Variants in TM4SF18 observed in about 807,000 individuals in gnomAD.
The protein encoded by TM4SF18 is transmembrane 4 L six family member 18.
In TM4SF18, 22 loss-of-function variants were observed where a neutral mutation model predicts 23.8. That is an observed-to-expected ratio of 0.92 (90% CI 0.66 to 1.32). The LOEUF (loss-of-function observed/expected upper bound fraction) is 1.32. Among genes scored for constraint, TM4SF18 ranks in the 40% most tolerant of loss-of-function variants. TM4SF18 has a pLI of 0.00. For synonymous variants in TM4SF18, 87 were observed against 87.9 expected (o/e 0.99, Z 0.06); for missense variants, 255 against 240.3 (o/e 1.06, Z -0.41).
Position 149,320,869 on chromosome 3 carries a change from T to A in TM4SF18, c.*609A>T, listed in dbSNP as rs1303251310. ...ACCAAGCATAATTGGCATTTTGTTA[T>A]ATTTCCTTTTAGATTTAGTTTTCAT... On this transcript the variant is annotated 3_prime_UTR_variant, in exon 6 of 6. Coordinates refer to ENST00000296059, the MANE Select transcript of TM4SF18 (RefSeq NM_138786.4). The A allele has an allele frequency of 6.6e-6, 1 of 152,198 alleles. No homozygotes were observed. The highest frequency in any genetic ancestry group is 2.4e-5 in the African/African-American group (1 of 41,456). 9.4% of individuals were successfully genotyped at this position (152,198 alleles called of 1,614,324 possible).
chr3:149,324,604 C>A (rs1275746728), intron 4 of TM4SF18, among the ~76,000 whole-genome samples: 2 of 152,208 alleles, frequency 1.3e-5, no homozygotes, highest in East Asian at 3.8e-4. Context: ...CAACTTTAAT[C>A]TGAGGTATGG....
In TM4SF18 at chr3:149,320,614, G is replaced by A. The variant is rs958881569; in HGVS notation, c.*864C>T. 6.6e-6 allele frequency: 1 copy of A among 152,080 alleles called. No individual in the cohort carries two copies. Among genetic ancestry groups the A allele is most frequent in the Non-Finnish European group, 1.5e-5 (1 of 68,014 alleles). 9.4% of individuals were successfully genotyped at this position (152,080 alleles called of 1,614,324 possible). On this transcript the variant is annotated 3_prime_UTR_variant, in exon 6 of 6. Coordinates refer to ENST00000296059, the MANE Select transcript of TM4SF18 (RefSeq NM_138786.4). Reference sequence around the variant, plus strand: ...ATAAGTTTATATAAAACTCTTTTTGGCTCATCTATATCACTACTTTCCTCA... The same window carrying A: ...ATAAGTTTATATAAAACTCTTTTTGACTCATCTATATCACTACTTTCCTCA...
intron 4 of TM4SF18, among the ~76,000 whole-genome samples, chr3:149,323,003 C>T (rs535506904): frequency 5.3e-5 from 8 of 151,490 alleles, no homozygotes; most frequent in Admixed American, 2.0e-4. Context: ...CCCTGGTTCA[C>T]GCCATTCTCC....
intron 2 of TM4SF18, among the ~76,000 whole-genome samples, chr3:149,332,462 C>A (rs1456276353): frequency 1.3e-5 from 2 of 152,112 alleles, no homozygotes; most frequent in African/African-American, 4.8e-5. Flanking sequence ...TTAAAGAACA[C>A]AAAGTCATCA....
chr3:149,333,481 T>TA, intron 1 of TM4SF18, 32 bp downstream of exon 1: 5 of 492,814 alleles, frequency 1.0e-5, no homozygotes, highest in Non-Finnish European at 1.4e-5. Flanking sequence ...TCTCTCTCTC[T>TA]CTTTTTTTTT....
At chr3:149,324,085 G>C (rs1034836317) in intron 4 of TM4SF18, among the ~76,000 whole-genome samples, 1 of 152,162 alleles carries the variant, frequency 6.6e-6, no homozygotes, top group Admixed American at 6.5e-5. Context: ...CCCAGTGAAT[G>C]GTACAGACAT....
At chr3:149,325,306 T>A (rs1730916685) in intron 3 of TM4SF18, among the ~76,000 whole-genome samples, 1 of 152,218 alleles carries the variant, frequency 6.6e-6, no homozygotes, top group African/African-American at 2.4e-5. Flanking sequence ...GATCTCCTCT[T>A]ATGAAAATGC....
At position 149,322,305 on chromosome 3, in the gene TM4SF18, A is replaced by C. The variant is rs755017065; in HGVS notation, c.542T>G (p.Val181Gly). Residue 181 changes from valine (V) to glycine (G), a missense_variant, in exon 5 of 6, where the codon GTC becomes GGC. By Grantham distance (109) the Val-to-Gly change is moderately radical. Transcript: ENST00000296059. ...ACACAGTATCTTGGATAGTTGCATG[A>C]CTACTCTGATGAGGCAGATGATCAC... ...LQVIICLIRVVMQLSKILCGS... is the reference protein window; with the variant it reads ...LQVIICLIRVGMQLSKILCGS... 13 of 1,614,058 alleles carry C rather than the reference A, an allele frequency of 8.1e-6. No homozygotes were observed. Among genetic ancestry groups the C allele is most frequent in the Non-Finnish European group, 1.1e-5 (13 of 1,179,982 alleles).
intron 2 of TM4SF18, 117 bp downstream of exon 2, chr3:149,333,089 A>G: frequency 9.3e-7 from 1 of 1,070,290 alleles, no homozygotes; most frequent in Admixed American, 2.3e-5. Flanking sequence ...CCTCTTTCAA[A>G]TCCTACACCC....
rs117286916 is a variant in TM4SF18 at position 149,323,734 on chromosome 3, T to C, written c.410+1146A>G. Among the ~76,000 whole-genome samples the C allele has an allele frequency of 2.6e-3, 394 of 152,272 alleles. 12 individuals are homozygous for C. The East Asian group carries it at 0.067, about 26-fold the overall frequency. ...TGTGGTTTGAACAATATGAAATCAG[T>C]GCACATTGAAAAAGAGCAGAATAAC... On this transcript the variant is annotated intron_variant, in intron 4 of 5. Transcript: ENST00000296059.
Position 149,324,905 on chromosome 3 carries a change from A to G in TM4SF18, c.385T>C (p.Tyr129His). ...PYCRTLDGWE[Y>H]AFEGTAGRFL... Reference sequence around the variant, plus strand: ...CGTCCAGCAGTGCCTTCAAAAGCATACTCCCAGCCATCAAGGGTGCGGCAA... The same window carrying G: ...CGTCCAGCAGTGCCTTCAAAAGCATGCTCCCAGCCATCAAGGGTGCGGCAA... The change falls in exon 4 of 6, where the codon TAT becomes CAT. Residue 129 changes from tyrosine to histidine, a missense_variant. By Grantham distance (83) the Tyr-to-His change is moderately conservative. Transcript: ENST00000296059. The G allele has an allele frequency of 6.2e-7, 1 of 1,614,052 alleles. No homozygotes were observed. Among genetic ancestry groups the G allele is most frequent in the Non-Finnish European group, 8.5e-7 (1 of 1,179,998 alleles).
intron 3 of TM4SF18, 33 bp downstream of exon 3, chr3:149,330,296 AC>A (rs779568688): frequency 5.4e-6 from 8 of 1,479,904 alleles, no homozygotes; most frequent in Non-Finnish European, 6.6e-6. Flanking sequence ...GCTGGAGCCC[AC>A]TCAACCATCC....
In TM4SF18 at chr3:149,333,353, T is replaced by C; in HGVS notation, c.30A>G (p.Leu10=). The change falls in exon 2 of 6, where the codon CTA becomes CTG. Residue 10 remains leucine, a synonymous_variant. Coordinates refer to ENST00000296059, the MANE Select transcript of TM4SF18 (RefSeq NM_138786.4). ...GTGCAAGCGGAATCAGCAAACAACT[T>C]AGGCAGCCTCCACACTTCCGAGACC... is the stretch of plus-strand genomic sequence containing the variant. MGSRKCGGC[L]SCLLIPLALW... 1.2e-6 allele frequency: 2 copies of C among 1,613,334 alleles called. No homozygotes were observed. The highest frequency in any genetic ancestry group is 1.7e-6 in the Non-Finnish European group (2 of 1,179,676).
At chr3:149,330,443 G>A (rs1256200635) in intron 2 of TM4SF18, 24 bp from the exon 3 acceptor site, 2 of 1,484,320 alleles carry the variant, frequency 1.3e-6, no homozygotes, top group Non-Finnish European at 1.9e-6. Flanking sequence ...GACATAAAAT[G>A]TTAGCAATGA....
rs1427965297 is a variant in TM4SF18 at position 149,324,990 on chromosome 3, T to C, written c.300A>G (p.Gly100=). 3.7e-6 allele frequency: 6 copies of C among 1,613,810 alleles called. No individual in the cohort carries two copies. Among genetic ancestry groups the C allele is most frequent in the Non-Finnish European group, 4.2e-6 (5 of 1,179,996 alleles). Reference sequence around the variant, plus strand: ...CCAGGCAGTATCCAGAAAAAGCAATTCCGAGGGAAGAAAAGATAATTGACA... The same window carrying C: ...CCAGGCAGTATCCAGAAAAAGCAATCCCGAGGGAAGAAAAGATAATTGACA... ...TLLSIIFSSL[G]IAFSGYCLVI... is the part of the protein sequence containing the mutation. Residue 100 remains glycine (G), a synonymous_variant, in exon 4 of 6, where the codon GGA becomes GGG. Transcript: ENST00000296059.
chr3:149,332,679 A>G (rs371089322), intron 2 of TM4SF18, among the ~76,000 whole-genome samples: 1 of 152,160 alleles, frequency 6.6e-6, no homozygotes, highest in Non-Finnish European at 1.5e-5. Flanking sequence ...AGTAAATGCC[A>G]TTATTCACAT....
At position 149,324,902 on chromosome 3, in the gene TM4SF18, C is replaced by T. The variant is rs775748630; in HGVS notation, c.388G>A (p.Ala130Thr). 15 of 1,614,038 alleles carry T rather than the reference C, an allele frequency of 9.3e-6. No individual in the cohort carries two copies. Among genetic ancestry groups the T allele is most frequent in the South Asian group, 2.2e-5 (2 of 91,086 alleles). ...TACCGTCCAGCAGTGCCTTCAAAAG[C>T]ATACTCCCAGCCATCAAGGGTGCGG... ...YCRTLDGWEYAFEGTAGRFLT... is the reference protein window; with the variant it reads ...YCRTLDGWEYTFEGTAGRFLT... The change falls in exon 4 of 6, where the codon GCT becomes ACT. Residue 130 changes from alanine (A) to threonine (T), a missense_variant. Physicochemically the swap from Ala to Thr is moderately conservative, Grantham distance 58 (BLOSUM62 0). Coordinates refer to ENST00000296059, the MANE Select transcript of TM4SF18 (RefSeq NM_138786.4).
At chr3:149,333,488 T>C (rs2108364402) in intron 1 of TM4SF18, 25 bp downstream of exon 1, 3 of 876,340 alleles carry the variant, frequency 3.4e-6, no homozygotes, top group South Asian at 5.7e-5. Flanking sequence ...CTCTCTTTTT[T>C]TTTTTTTTTT....
chr3:149,325,264 C>A (rs1730916045), intron 3 of TM4SF18, among the ~76,000 whole-genome samples: 2 of 152,066 alleles, frequency 1.3e-5, no homozygotes, highest in African/African-American at 2.4e-5. Context: ...TAAATTTATT[C>A]TTTCCTTGTG....
Sources: allele counts gnomAD v4.1 joint callset (sites outside exome capture counted in the v4.1 genomes callset), GRCh38; gene constraint gnomAD v4.1.1; transcripts MANE v1.5; gene names NCBI Gene and HGNC (gene_info 2026-07-23, HGNC 2026-07-21).